The following SLC22A17 variants were observed in gnomAD, a reference collection of about 807,000 sequenced individuals.
The protein encoded by SLC22A17 is 24p3 receptor.
A neutral mutation model predicts 53.6 loss-of-function variants in SLC22A17; 38 were observed. The observed-to-expected ratio is 0.71, with a 90% confidence interval of 0.55 to 0.93. The LOEUF (loss-of-function observed/expected upper bound fraction) is 0.93, where lower values mean the gene tolerates loss of function less well. Ranked by LOEUF, SLC22A17 falls within the 40% of genes least tolerant of loss-of-function variation. The pLI is 0.00. For synonymous variants in SLC22A17, 379 were observed against 353.0 expected, an observed-to-expected ratio of 1.07 and a Z score of -0.82; for missense variants, 704 against 791.0, an observed-to-expected ratio of 0.89 and a Z score of 1.32.
rs779899269 is a variant in SLC22A17, at chr14:23,352,004, G to C, written c.544C>G (p.Leu182Val). 5 of 1,612,424 alleles carry C rather than the reference G, an allele frequency of 3.1e-6. No individual in the cohort carries two copies. The Admixed American group carries it at 8.4e-5, about 27-fold the overall frequency. Reference sequence around the variant, plus strand: ...AGGCCATTATAGTCCCAATCCTTGAGGCAATGGTTGAAGTCCGGCGGGGCG... The same window carrying C: ...AGGCCATTATAGTCCCAATCCTTGACGCAATGGTTGAAGTCCGGCGGGGCG... Residue 182 changes from leucine (L) to valine (V), a missense_variant, in exon 2 of 10, where the codon CTC becomes GTC. By Grantham distance (32) the Leu-to-Val change is conservative. Coordinates refer to ENST00000397267, the Ensembl canonical transcript of SLC22A17. The surrounding 1 kb of genome is among the most constrained non-coding windows in gnomAD (Gnocchi z 7.2).
rs1207686919 is a variant in SLC22A17, at chr14:23,348,484, A to G, written c.1025+22T>C. On this transcript the variant is annotated intron_variant, in intron 5 of 9. Transcript: ENST00000397267. The surrounding 1 kb of genome is among the most constrained non-coding windows in gnomAD (Gnocchi z 4.5). The stretch of plus-strand genomic sequence containing the variant: ...AGGCAGAGATGGGAATTGCCAGACG[A>G]CAGGTGAAGGGTAATACTGACCCAT... 2.5e-6 allele frequency: 4 copies of G among 1,606,928 alleles called. No individual in the cohort carries two copies. The highest frequency in any genetic ancestry group is 3.4e-6 in the Non-Finnish European group (4 of 1,175,352).
At chr14:23,349,384 C>T in exon 4 of SLC22A17, 1 of 1,613,842 alleles carries the variant, frequency 6.2e-7, no homozygotes, top group Non-Finnish European at 8.5e-7. Flanking sequence ...CACAGGGGCC[C>T]ACCAGCCCCA....
At position 23,347,197 on chromosome 14, in the gene SLC22A17, G is replaced by A. The variant is rs138754133; in HGVS notation, c.1565C>T (p.Ala522Val). 1.8e-5 allele frequency: 29 copies of A among 1,613,492 alleles called. No homozygotes were observed. In the African/African-American group the frequency reaches 3.2e-4, roughly 18 times the overall value. ...CCCAAGGACAGAGAAAGTGGTGATG[G>A]CAGCCTCGTTCAGATCTGCAGAAGC... Residue 522 changes from alanine (A) to valine (V), a missense_variant, in exon 9 of 10, where the codon GCC (alanine) becomes GTC (valine). By Grantham distance (64) the Ala-to-Val change is moderately conservative (BLOSUM62 0). Coordinates refer to ENST00000397267, the Ensembl canonical transcript of SLC22A17. The surrounding 1 kb of genome is among the most constrained non-coding windows in gnomAD (Gnocchi z 5.1).
chr14:23,348,837 G>T lies in SLC22A17; in HGVS notation c.860-166C>A. 1 of 724,320 alleles carries T rather than the reference G, an allele frequency of 1.4e-6. No homozygotes were observed. The highest frequency in any genetic ancestry group is 2.9e-5 in the Admixed American group (1 of 33,904). The allele number at this position is 724,320 out of a possible 1,614,324, so 44.9% of individuals were successfully genotyped here. ...TAACCTCTGGGTGGCAAGGACTGGG[G>T]AGACTGTTCAGCCCTCTCTCCTCTC... is the stretch of plus-strand genomic sequence containing the variant. On this transcript the variant is annotated intron_variant, in intron 4 of 9. Transcript: ENST00000397267. The surrounding 1 kb of genome is among the most constrained non-coding windows in gnomAD (Gnocchi z 4.5).
Position 23,347,053 on chromosome 14 carries a change from G to C in SLC22A17, c.1661+48C>G. ...TCCTCAGGGGTGGGGTGGGGGAGCG[G>C]GAGGCGAGGGGGCCCGGCTCTGCCC... is the stretch of plus-strand genomic sequence containing the variant. On this transcript the variant is annotated intron_variant, in intron 9 of 9. Coordinates refer to ENST00000397267, the Ensembl canonical transcript of SLC22A17. The surrounding 1 kb of genome is among the most constrained non-coding windows in gnomAD (Gnocchi z 5.1). 1 of 1,554,872 alleles carries C rather than the reference G, an allele frequency of 6.4e-7. No individual in the cohort carries two copies. Among genetic ancestry groups the C allele is most frequent in the South Asian group, 1.2e-5 (1 of 83,272 alleles).
Position 23,352,785 on chromosome 14 carries a change from C to A in SLC22A17, c.-44G>T, listed in dbSNP as rs1889728018. The A allele has an allele frequency of 5.0e-6, 2 of 398,764 alleles. No homozygotes were observed. Among genetic ancestry groups the A allele is most frequent in the Non-Finnish European group, 8.9e-6 (2 of 225,842 alleles). The allele number at this position is 398,764 out of a possible 1,614,324, so 24.7% of individuals were successfully genotyped here. ...CCTGCCGGCCCGCGCCGAAAGGATG[C>A]GCTGTCCTCTGGCTCAGTTGCGCGC... On this transcript the variant is annotated 5_prime_UTR_variant, in exon 1 of 10. Transcript: ENST00000397267. This position sits in a 1 kb window ranked among gnomAD's most constrained non-coding sequence, Gnocchi z 7.2.
chr14:23,352,758 G>C lies in SLC22A17; in HGVS notation c.-17C>G, dbSNP rs1889724805. 2 of 398,824 alleles carry C rather than the reference G, an allele frequency of 5.0e-6. No individual in the cohort carries two copies. The highest frequency in any genetic ancestry group is 4.4e-5 in the Admixed American group (1 of 22,702). The allele number at this position is 398,824 out of a possible 1,614,324, so 24.7% of individuals were successfully genotyped here. On this transcript the variant is annotated 5_prime_UTR_variant, in exon 1 of 10. Transcript: ENST00000397267. The surrounding 1 kb of genome is among the most constrained non-coding windows in gnomAD (Gnocchi z 7.2). ...GGGAGCCAGCTTGCCGACCGCAGGGGCCCTGCCGGCCCGCGCCGAAAGGAT... is the reference window on the plus strand; with the variant it reads ...GGGAGCCAGCTTGCCGACCGCAGGGCCCCTGCCGGCCCGCGCCGAAAGGAT...
intron 3 of SLC22A17, among the ~76,000 whole-genome samples, chr14:23,350,219 G>A (rs1191592103): frequency 4.6e-5 from 7 of 151,998 alleles, no homozygotes; most frequent in African/African-American, 9.7e-5. Context: ...CAGGAGAATC[G>A]CTTGAACCTG....
chr14:23,347,805 C>T lies in SLC22A17; in HGVS notation c.1278-74G>A. 6.2e-7 allele frequency: 1 copy of T among 1,610,952 alleles called. No individual in the cohort carries two copies. The highest frequency in any genetic ancestry group is 8.5e-7 in the Non-Finnish European group (1 of 1,178,008). On this transcript the variant is annotated intron_variant, in intron 7 of 9. Coordinates refer to ENST00000397267, the Ensembl canonical transcript of SLC22A17. The surrounding 1 kb of genome is among the most constrained non-coding windows in gnomAD (Gnocchi z 5.1). ...GCAGCCTTCTACAGTGCTGATGGTCCTCCGCAGGGGTCCCCGGGCCTTCCC... is the reference window on the plus strand; with the variant it reads ...GCAGCCTTCTACAGTGCTGATGGTCTTCCGCAGGGGTCCCCGGGCCTTCCC...
rs200721060 is a variant in SLC22A17 at position 23,347,177 on chromosome 14, G to A, written c.1585C>T (p.Leu529Phe). The change falls in exon 9 of 10, where the codon CTT becomes TTT. Residue 529 changes from leucine to phenylalanine, a missense_variant. Leu to Phe is a conservative substitution (Grantham distance 22). This residue lies in a region of SLC22A17 where 196 missense variants were observed against 171.5 expected (regional missense o/e 1.14). Transcript: ENST00000397267. The surrounding 1 kb of genome is among the most constrained non-coding windows in gnomAD (Gnocchi z 5.1). ...GCAGCTTGGGAGGAGAAGAGCCCAA[G>A]GACAGAGAAAGTGGTGATGGCAGCC... 1.8e-5 allele frequency: 29 copies of A among 1,613,964 alleles called. No homozygotes were observed. In the East Asian group the frequency reaches 6.0e-4, roughly 33 times the overall value.
chr14:23,349,289 A>G (rs1334456361), exon 4 of SLC22A17: 1 of 1,614,064 alleles, frequency 6.2e-7, no homozygotes, highest in Non-Finnish European at 8.5e-7. Flanking sequence ...GTAGACACCC[A>G]GGTCAACACC....
Position 23,348,093 on chromosome 14 carries a change from A to G in SLC22A17, c.1171+68T>C. The stretch of plus-strand genomic sequence containing the variant: ...GACCCTGGGAGAAGGTGGCACAGCT[A>G]CAGCCATGCAGAGGGCACCATCATG... On this transcript the variant is annotated intron_variant, in intron 6 of 9. Coordinates refer to ENST00000397267, the Ensembl canonical transcript of SLC22A17. This position sits in a 1 kb window ranked among gnomAD's most constrained non-coding sequence, Gnocchi z 4.5. 4 of 1,608,848 alleles carry G rather than the reference A, an allele frequency of 2.5e-6. No individual in the cohort carries two copies. The highest frequency in any genetic ancestry group is 3.4e-6 in the Non-Finnish European group (4 of 1,175,910).
chr14:23,348,407 G>A lies in SLC22A17; in HGVS notation c.1025+99C>T. 1 of 1,583,528 alleles carries A rather than the reference G, an allele frequency of 6.3e-7. No individual in the cohort carries two copies. Among genetic ancestry groups the A allele is most frequent in the Non-Finnish European group, 8.6e-7 (1 of 1,161,536 alleles). ...AGGGACTGGGGCTGGGGTAGGCCTG[G>A]ACCAGGGGTAGTTGGAGAAGAGGAG... On this transcript the variant is annotated intron_variant, in intron 5 of 9. Transcript: ENST00000397267. This position sits in a 1 kb window ranked among gnomAD's most constrained non-coding sequence, Gnocchi z 4.5.
At position 23,348,686 on chromosome 14, in the gene SLC22A17, G is replaced by C. The variant is rs1180263280; in HGVS notation, c.860-15C>G. 5 of 1,596,922 alleles carry C rather than the reference G, an allele frequency of 3.1e-6. No homozygotes were observed. The highest frequency in any genetic ancestry group is 4.3e-6 in the Non-Finnish European group (5 of 1,172,052). ...CAGCTCCAGGCCTGGAGATACAGCA[G>C]GGGTGGAGAGAGGAGAGGGAGGCCA... On this transcript the variant is annotated splice_polypyrimidine_tract_variant and intron_variant, in intron 4 of 9. Coordinates refer to ENST00000397267, the Ensembl canonical transcript of SLC22A17. The surrounding 1 kb of genome is among the most constrained non-coding windows in gnomAD (Gnocchi z 4.5).
chr14:23,346,529 G>T lies in SLC22A17; in HGVS notation c.*119C>A, dbSNP rs1889187120. On this transcript the variant is annotated 3_prime_UTR_variant, in exon 10 of 10. Coordinates refer to ENST00000397267, the Ensembl canonical transcript of SLC22A17. The stretch of plus-strand genomic sequence containing the variant: ...GACGGCCCTCTGAGCTCTCCGCGAT[G>T]GCTGGCGTGAGGTGCCTCTGAGACT... 3 of 1,277,250 alleles carry T rather than the reference G, an allele frequency of 2.3e-6. No individual in the cohort carries two copies. In the Admixed American group the frequency reaches 8.9e-5, roughly 38 times the overall value. 79.1% of individuals were successfully genotyped at this position (1,277,250 alleles called of 1,614,324 possible).
chr14:23,351,542 C>T (rs988403660), intron 3 of SLC22A17: 1 of 555,848 alleles, frequency 1.8e-6, no homozygotes. Context: ...CCATAGAGGT[C>T]GAGTCATTCC....
Position 23,347,281 on chromosome 14 carries a change from T to A in SLC22A17, c.1550-69A>T. The A allele has an allele frequency of 1.3e-6, 2 of 1,492,610 alleles. No individual in the cohort carries two copies. 92.5% of individuals were successfully genotyped at this position (1,492,610 alleles called of 1,614,324 possible). A position where few individuals can be genotyped will look rare whatever the true frequency, so the allele number is the denominator to read the frequency against. On this transcript the variant is annotated intron_variant, in intron 8 of 9. Transcript: ENST00000397267. The surrounding 1 kb of genome is among the most constrained non-coding windows in gnomAD (Gnocchi z 5.1). Reference sequence around the variant, plus strand: ...AAGGCTGGCCTAGTCCCGGGTGTCATCCCCTTGGCTCTCTGTTCCCATGGC... The same window carrying A: ...AAGGCTGGCCTAGTCCCGGGTGTCAACCCCTTGGCTCTCTGTTCCCATGGC...
chr14:23,347,248 G>T lies in SLC22A17; in HGVS notation c.1550-36C>A. ...AAGAGGGATGATATGAATGCAGGTG[G>T]GGAGGTCAAGGCTGGCCTAGTCCCG... On this transcript the variant is annotated intron_variant, in intron 8 of 9. Transcript: ENST00000397267. The surrounding 1 kb of genome is among the most constrained non-coding windows in gnomAD (Gnocchi z 5.1). The T allele has an allele frequency of 6.3e-7, 1 of 1,578,624 alleles. No individual in the cohort carries two copies. The highest frequency in any genetic ancestry group is 8.7e-7 in the Non-Finnish European group (1 of 1,155,676).
chr14:23,348,661 C>G lies in SLC22A17; in HGVS notation c.870G>C (p.Leu290=). ...CCCGAAGCCTCTGGGTTGGGTCGCA[C>G]AGCTCCAGGCCTGGAGATACAGCAG... Residue 290 remains leucine (L), a synonymous_variant, in exon 5 of 10, where the codon CTG becomes CTC. Coordinates refer to ENST00000397267, the Ensembl canonical transcript of SLC22A17. This position sits in a 1 kb window ranked among gnomAD's most constrained non-coding sequence, Gnocchi z 4.5. 6.2e-7 allele frequency: 1 copy of G among 1,611,528 alleles called. No individual in the cohort carries two copies. The highest frequency in any genetic ancestry group is 1.1e-5 in the South Asian group (1 of 90,778).
Sources: allele counts gnomAD v4.1 joint callset (sites outside exome capture counted in the v4.1 genomes callset), GRCh38; gene constraint gnomAD v4.1.1; regional missense constraint gnomAD v4.1.1; non-coding constraint Gnocchi (gnomAD v3.1); transcripts MANE v1.5; gene names NCBI Gene and HGNC (gene_info 2026-07-23, HGNC 2026-07-21).